PRKCE: variants seen among roughly 807,000 people sequenced by gnomAD.
PRKCE encodes protein kinase C epsilon.
Under a neutral mutation model 85.4 loss-of-function variants are expected in PRKCE, and 16 were observed. The observed-to-expected ratio is 0.19, with a 90% confidence interval of 0.13 to 0.28. PRKCE has a LOEUF of 0.28. PRKCE is among the 10% of genes least tolerant of loss of function. The pLI, the probability that PRKCE is intolerant of heterozygous loss-of-function variation, is 1.00. For synonymous variants in PRKCE, 388 were observed against 371.5 expected (o/e 1.04, Z -0.51); for missense variants, 573 against 975.2 (o/e 0.59, Z 5.49).
chr2:45,741,037 T>C (rs1682514679), intron 1 of PRKCE, among the ~76,000 whole-genome samples: 1 of 152,256 alleles, frequency 6.6e-6, no homozygotes, highest in Non-Finnish European at 1.5e-5. Flanking sequence ...ATGATCTTTT[T>C]GTGAAAAAAT....
At position 46,185,043 on chromosome 2, in the gene PRKCE, T is replaced by TC; in HGVS notation, c.*167dup. On this transcript the variant is annotated 3_prime_UTR_variant, in exon 15 of 15. Transcript: ENST00000306156. This position sits in a 1 kb window ranked among gnomAD's most constrained non-coding sequence, Gnocchi z 4.7. ...CATTCCCTTGCCCCAGGCCACCTCC[T>TC]CCCCCTCCCACCTGGTGACCAGAAG... 2 of 950,424 alleles carry TC rather than the reference T, an allele frequency of 2.1e-6. No homozygotes were observed. The highest frequency in any genetic ancestry group is 2.6e-5 in the East Asian group (1 of 38,532). 58.9% of individuals were successfully genotyped at this position (950,424 alleles called of 1,614,324 possible). A position where few individuals can be genotyped will look rare whatever the true frequency, so the allele number is the denominator to read the frequency against.
At chr2:45,954,583 TAACTC>T (rs1700844677) in intron 2 of PRKCE, among the ~76,000 whole-genome samples, 1 of 152,194 alleles carries the variant, frequency 6.6e-6, no homozygotes, top group Non-Finnish European at 1.5e-5. Flanking sequence ...GGGTACATAT[TAACTC>T]AAGATGCTTG....
chr2:46,093,084 G>A (rs777141264), intron 11 of PRKCE, among the ~76,000 whole-genome samples: 59 of 152,260 alleles, frequency 3.9e-4, no homozygotes, highest in Non-Finnish European at 6.2e-4. Flanking sequence ...AGAGAGCATC[G>A]TTCTTAGCTG....
chr2:46,177,176 AAGGCTGAGGTGGG>A (rs889589008), intron 14 of PRKCE, among the ~76,000 whole-genome samples: 7 of 152,156 alleles, frequency 4.6e-5, no homozygotes, highest in African/African-American at 1.7e-4. Context: ...AGCAGTTTGG[AAGGCTGAGGTGGG>A]AGGATCACTT....
At chr2:45,700,627 G>A (rs1378337456) in intron 1 of PRKCE, 2 of 152,110 alleles carry the variant, frequency 1.3e-5, no homozygotes, top group Non-Finnish European at 2.9e-5. Flanking sequence ...GTGACCTTGA[G>A]GTCATCACCC....
intron 13 of PRKCE, among the ~76,000 whole-genome samples, chr2:46,153,740 C>T (rs1194028650): frequency 6.6e-6 from 1 of 150,992 alleles, no homozygotes; most frequent in Non-Finnish European, 1.5e-5. Context: ...CTTCTTCGTC[C>T]TCCTCTTCCT....
chr2:45,941,440 C>G (rs4953290), intron 2 of PRKCE, among the ~76,000 whole-genome samples: 127,531 of 152,176 alleles, frequency 0.84, 53,752 homozygotes, highest in South Asian at 0.96. Context: ...ACTTATTACT[C>G]TTTGGAATGG....
chr2:46,022,663 A>G (rs1295746213), intron 10 of PRKCE, among the ~76,000 whole-genome samples: 1 of 152,264 alleles, frequency 6.6e-6, no homozygotes. Flanking sequence ...CACATTTTCA[A>G]TGACTAATGC....
At chr2:45,756,328 C>A (rs542666107) in intron 1 of PRKCE, among the ~76,000 whole-genome samples, 1 of 152,264 alleles carries the variant, frequency 6.6e-6, no homozygotes, top group African/African-American at 2.4e-5. Flanking sequence ...TCTAGGGGTT[C>A]TGCTGGAAAG....
At chr2:45,655,873 G>A (rs1281868766) in intron 1 of PRKCE, among the ~76,000 whole-genome samples, 3 of 145,152 alleles carry the variant, frequency 2.1e-5, no homozygotes, top group African/African-American at 7.8e-5. Flanking sequence ...AAAAAAAAAG[G>A]TAGGGAGAAC....
chr2:46,154,986 T>TA (rs1443215172), intron 13 of PRKCE, among the ~76,000 whole-genome samples: 2 of 152,198 alleles, frequency 1.3e-5, no homozygotes, highest in Admixed American at 6.5e-5. Context: ...AACTGTTTGA[T>TA]AAAAAACAGA....
At chr2:45,883,953 CAG>C (rs2105827500) in intron 2 of PRKCE, among the ~76,000 whole-genome samples, 1 of 152,296 alleles carries the variant, frequency 6.6e-6, no homozygotes, top group African/African-American at 2.4e-5. Flanking sequence ...TCCCTTACTG[CAG>C]AGTCGCTCAG....
At chr2:45,780,558 A>G (rs1045091283) in intron 1 of PRKCE, among the ~76,000 whole-genome samples, 1 of 152,238 alleles carries the variant, frequency 6.6e-6, no homozygotes, top group Non-Finnish European at 1.5e-5. Flanking sequence ...AGAAGGACAC[A>G]TCTCACTGGC....
At chr2:45,947,191 T>C (rs1226276349) in intron 2 of PRKCE, among the ~76,000 whole-genome samples, 3 of 152,216 alleles carry the variant, frequency 2.0e-5, no homozygotes, top group African/African-American at 4.8e-5. Context: ...CCTTAATCAC[T>C]ATGCTGAGTG....
intron 10 of PRKCE, among the ~76,000 whole-genome samples, chr2:46,066,350 C>T (rs1426352048): frequency 2.0e-5 from 3 of 152,012 alleles, no homozygotes; most frequent in Non-Finnish European, 2.9e-5. Flanking sequence ...TTTTTTGAGA[C>T]CTCACTTTCT....
chr2:45,953,906 A>G (rs528930595), intron 2 of PRKCE, among the ~76,000 whole-genome samples: 1 of 152,210 alleles, frequency 6.6e-6, no homozygotes, highest in Non-Finnish European at 1.5e-5. Context: ...CAGTTGATGT[A>G]GGCAAAGCAC....
chr2:46,109,878 A>G (rs988368494), intron 11 of PRKCE, among the ~76,000 whole-genome samples: 2 of 152,064 alleles, frequency 1.3e-5, no homozygotes, highest in Admixed American at 6.5e-5. Context: ...ATTCCCCTCT[A>G]TTCCTAATCT....
At chr2:46,092,473 C>G (rs945502909) in intron 11 of PRKCE, among the ~76,000 whole-genome samples, 4 of 152,116 alleles carry the variant, frequency 2.6e-5, no homozygotes, top group African/African-American at 9.7e-5. Flanking sequence ...TCTGCCTTGG[C>G]CAAGCCTAGA....
intron 6 of PRKCE, among the ~76,000 whole-genome samples, chr2:45,999,382 C>T (rs1043384167): frequency 5.9e-5 from 9 of 152,002 alleles, no homozygotes; most frequent in East Asian, 1.9e-4. Flanking sequence ...GGGTTTTTAT[C>T]TCAACATTTT....
Sources: allele counts gnomAD v4.1 joint callset (sites outside exome capture counted in the v4.1 genomes callset), GRCh38; gene constraint gnomAD v4.1.1; non-coding constraint Gnocchi (gnomAD v3.1); transcripts MANE v1.5; gene names NCBI Gene and HGNC (gene_info 2026-07-23, HGNC 2026-07-21).